Variants in PATJ observed in about 807,000 individuals in gnomAD.
PATJ encodes the protein PATJ crumbs cell polarity complex component.
In PATJ, 190 loss-of-function variants were observed where a neutral mutation model predicts 224.9. The ratio of observed to expected loss-of-function variants is 0.84; its 90% CI spans 0.75 to 0.95. The LOEUF is 0.95. PATJ is among the 40% of genes least tolerant of loss of function. The pLI, the probability that PATJ is intolerant of heterozygous loss-of-function variation, is 0.00. For synonymous variants in PATJ, 769 were observed against 820.3 expected (o/e 0.94, Z 1.07); for missense variants, 2,121 against 2,270.3 (o/e 0.93, Z 1.34).
rs35033086 is a variant in PATJ, at chr1:61,863,027, G to GTT, written c.2440-1186_2440-1185dup. On this transcript the variant is annotated intron_variant, in intron 19 of 43. Coordinates refer to ENST00000642238, the MANE Select transcript of PATJ (RefSeq NM_001350145.3). ...ATACAGGGCAGTATTACTGTTTTCA[G>GTT]TTTTTTTTTTTTTTTTTTTTTTTTT... Among the ~76,000 whole-genome samples, 127 of 79,984 alleles carry GTT rather than the reference G, an allele frequency of 1.6e-3. 4 individuals carry two copies. Among genetic ancestry groups the GTT allele is most frequent in the East Asian group, 2.3e-3 (6 of 2,590 alleles). The allele number at this position is 79,984 out of a possible 152,430, so 52.5% of individuals were successfully genotyped here.
rs1218031089 is a variant in PATJ, at chr1:62,051,007, C to T, written c.4074C>T (p.Gly1358=). ...AACCTATTAGTAGTGAGGAAGATGGCAGCGTCGAAGTTGGTATTAAACAAT... is the reference window on the plus strand; with the variant it reads ...AACCTATTAGTAGTGAGGAAGATGGTAGCGTCGAAGTTGGTATTAAACAAT... ...GTEPISSEED[G]SVEVGIKQLP... Residue 1358 remains glycine, a synonymous_variant, in exon 31 of 44, where the codon GGC becomes GGT. Transcript: ENST00000642238. The T allele has an allele frequency of 6.2e-7, 1 of 1,613,908 alleles. No individual in the cohort carries two copies. The highest frequency in any genetic ancestry group is 8.5e-7 in the Non-Finnish European group (1 of 1,179,918).
At chr1:62,097,561 G>A (rs1316199617) in intron 33 of PATJ, among the ~76,000 whole-genome samples, 1 of 152,126 alleles carries the variant, frequency 6.6e-6, no homozygotes, top group Non-Finnish European at 1.5e-5. Context: ...AGCCATTCTA[G>A]CTGAGGCCCC....
intron 27 of PATJ, among the ~76,000 whole-genome samples, chr1:61,936,905 A>G (rs1571379469): frequency 1.3e-5 from 2 of 152,282 alleles, no homozygotes; most frequent in Middle Eastern, 3.4e-3. Flanking sequence ...AAATCTTCTT[A>G]TCAGTATTAT....
Position 61,886,819 on chromosome 1 carries a change from C to CAAA in PATJ, c.3131+2421_3131+2423dup, listed in dbSNP as rs35950461. Among the ~76,000 whole-genome samples, 8 of 87,418 alleles carry CAAA rather than the reference C, an allele frequency of 9.2e-5. 2 individuals carry two copies. Among genetic ancestry groups the CAAA allele is most frequent in the Non-Finnish European group, 1.6e-4 (6 of 37,374 alleles). 57.3% of individuals were successfully genotyped at this position (87,418 alleles called of 152,430 possible). On this transcript the variant is annotated intron_variant, in intron 22 of 43. Transcript: ENST00000642238. The stretch of plus-strand genomic sequence containing the variant: ...TGGGCAACAGAGCAAGACCCCATCT[C>CAAA]AAAAAAAAAAAATTAGCCTGTTGTG...
intron 43 of PATJ, among the ~76,000 whole-genome samples, chr1:62,156,951 A>C (rs1315733670): frequency 1.3e-5 from 2 of 152,046 alleles, no homozygotes; most frequent in Non-Finnish European, 2.9e-5. Context: ...TAGGATACCA[A>C]AAAGATCACA....
At chr1:62,133,585 AAAG>A (rs970026523) in intron 41 of PATJ, among the ~76,000 whole-genome samples, 7 of 152,146 alleles carry the variant, frequency 4.6e-5, no homozygotes, top group African/African-American at 1.7e-4. Flanking sequence ...TCTCGAGAAA[AAAG>A]AATAGAAAAG....
chr1:62,015,477 A>G (rs1157566190), intron 28 of PATJ, among the ~76,000 whole-genome samples: 1 of 152,136 alleles, frequency 6.6e-6, no homozygotes, highest in Non-Finnish European at 1.5e-5. Context: ...AGAAGGGGAA[A>G]CTGAGGCACA....
intron 18 of PATJ, among the ~76,000 whole-genome samples, chr1:61,859,531 G>GTCTC (rs139509799): frequency 8.0e-5 from 12 of 150,220 alleles, no homozygotes; most frequent in Non-Finnish European, 1.6e-4. Flanking sequence ...TCTCTGAGGT[G>GTCTC]TCTCTCTCTC....
chr1:61,881,155 G>T (rs1668035373), intron 21 of PATJ, among the ~76,000 whole-genome samples: 1 of 152,086 alleles, frequency 6.6e-6, no homozygotes, highest in Non-Finnish European at 1.5e-5. Context: ...GAAACCTAAG[G>T]CACTATTTGT....
intron 17 of PATJ, among the ~76,000 whole-genome samples, chr1:61,855,195 C>T (rs1450372571): frequency 2.6e-5 from 4 of 152,100 alleles, no homozygotes; most frequent in Admixed American, 6.5e-5. Flanking sequence ...GAGTAACAGA[C>T]AGGCTTATCT....
chr1:62,128,217 A>G, intron 40 of PATJ, 123 bp downstream of exon 40: 8 of 991,004 alleles, frequency 8.1e-6, no homozygotes, highest in Non-Finnish European at 1.2e-5. Flanking sequence ...GGCTGAGGGC[A>G]AGATGCATTA....
chr1:61,859,186 T>C (rs921933579), intron 18 of PATJ, among the ~76,000 whole-genome samples: 14 of 152,158 alleles, frequency 9.2e-5, no homozygotes, highest in Non-Finnish European at 1.9e-4. Context: ...TTAGGAAGTC[T>C]CGGGCCATTT....
chr1:61,933,574 A>G (rs1449370876), intron 27 of PATJ, among the ~76,000 whole-genome samples: 1 of 151,686 alleles, frequency 6.6e-6, no homozygotes, highest in Non-Finnish European at 1.5e-5. Flanking sequence ...AGAATTCAAG[A>G]TCACTGAGAG....
intron 31 of PATJ, among the ~76,000 whole-genome samples, chr1:62,053,512 G>A (rs1371858351): frequency 2.0e-5 from 3 of 152,200 alleles, no homozygotes; most frequent in African/African-American, 7.2e-5. Context: ...CTGAGGTTGG[G>A]AGTTCAAGAC....
intron 20 of PATJ, among the ~76,000 whole-genome samples, chr1:61,866,217 C>T (rs1665401146): frequency 1.3e-5 from 2 of 152,186 alleles, no homozygotes; most frequent in South Asian, 4.1e-4. Context: ...CATAAAAATT[C>T]CCTTGTTCTG....
At chr1:62,068,360 G>C (rs1011417847) in intron 31 of PATJ, among the ~76,000 whole-genome samples, 5 of 152,204 alleles carry the variant, frequency 3.3e-5, no homozygotes, top group Admixed American at 6.5e-5. Flanking sequence ...CTTGCAGGCA[G>C]CGTGTGGTTG....
intron 17 of PATJ, among the ~76,000 whole-genome samples, chr1:61,841,340 A>C (rs994237391): frequency 5.3e-5 from 8 of 152,174 alleles, no homozygotes; most frequent in Non-Finnish European, 1.2e-4. Context: ...AGCCTGTGCA[A>C]GCCTACTGTC....
chr1:62,016,427 A>G (rs1342109623), intron 28 of PATJ, among the ~76,000 whole-genome samples: 1 of 152,220 alleles, frequency 6.6e-6, no homozygotes, highest in Non-Finnish European at 1.5e-5. Context: ...ACTGTCCCTT[A>G]TATGGTACAC....
In PATJ at chr1:61,773,895, C is replaced by T. The variant is rs555204619; in HGVS notation, c.721-1311C>T. On this transcript the variant is annotated intron_variant, in intron 6 of 43. Coordinates refer to ENST00000642238, the MANE Select transcript of PATJ (RefSeq NM_001350145.3). ...CAGGACTTTGGGAGGCCAAGGCAGG[C>T]GGATCATGAGGTCAGGAGATCGAGA... Among the ~76,000 whole-genome samples, 22 of 151,728 alleles carry T rather than the reference C, an allele frequency of 1.4e-4. No homozygotes were observed. In the South Asian group the frequency reaches 2.7e-3, roughly 19 times the overall value.
Sources: allele counts gnomAD v4.1 joint callset (sites outside exome capture counted in the v4.1 genomes callset), GRCh38; gene constraint gnomAD v4.1.1; transcripts MANE v1.5; gene names NCBI Gene and HGNC (gene_info 2026-07-23, HGNC 2026-07-21).